Variants in MTMR3 observed in about 807,000 individuals in gnomAD.
MTMR3 encodes phosphatidylinositol-3,5-bisphosphate 3-phosphatase MTMR3.
Under a neutral mutation model 132.4 loss-of-function variants are expected in MTMR3, and 32 were observed. The observed-to-expected ratio is 0.24, with a 90% CI of 0.18 to 0.32. MTMR3 has a LOEUF of 0.32. Ranked by LOEUF, MTMR3 falls within the 10% of genes least tolerant of loss-of-function variation. The pLI, the probability that MTMR3 is intolerant of heterozygous loss-of-function variation, is 1.00. For synonymous variants in MTMR3, 556 were observed against 550.3 expected, an observed-to-expected ratio of 1.01 and a Z score of -0.14; for missense variants, 1,216 against 1,489.6, an observed-to-expected ratio of 0.82 and a Z score of 3.02.
At chr22:30,013,102 A>G (rs2067475699) in intron 13 of MTMR3, 3 of 305,734 alleles carry the variant, frequency 9.8e-6, no homozygotes, top group African/African-American at 2.1e-5. Flanking sequence ...CAAGAGGCTA[A>G]AAATACACAT....
intron 1 of MTMR3, among the ~76,000 whole-genome samples, chr22:29,946,537 A>AC (rs2065957177): frequency 6.6e-6 from 1 of 152,220 alleles, no homozygotes; most frequent in Non-Finnish European, 1.5e-5. Context: ...TGGATTAGAA[A>AC]AATGTCTTAT....
At chr22:29,956,098 A>G (rs1367418206) in intron 1 of MTMR3, among the ~76,000 whole-genome samples, 1 of 152,112 alleles carries the variant, frequency 6.6e-6, no homozygotes, top group Non-Finnish European at 1.5e-5. Context: ...AATCTTGTTC[A>G]TTTATGTGAC....
chr22:29,980,364 A>G (rs1021378668), intron 5 of MTMR3: 8 of 152,310 alleles, frequency 5.3e-5, no homozygotes, highest in East Asian at 1.9e-4. Flanking sequence ...TTTTCTGTCT[A>G]TCAGCTAAAG....
chr22:30,010,539 G>C (rs984888235), intron 12 of MTMR3: 8 of 152,266 alleles, frequency 5.3e-5, no homozygotes, highest in Non-Finnish European at 8.8e-5. Context: ...GAGGATAGGG[G>C]AATGGTAGGC....
chr22:29,904,112 T>C (rs982967594), intron 1 of MTMR3, among the ~76,000 whole-genome samples: 1 of 152,184 alleles, frequency 6.6e-6, no homozygotes, highest in Non-Finnish European at 1.5e-5. Flanking sequence ...GAGACAACAA[T>C]GTTGGTGATC....
At chr22:29,934,114 G>T (rs1163810044) in intron 1 of MTMR3, among the ~76,000 whole-genome samples, 2 of 152,234 alleles carry the variant, frequency 1.3e-5, no homozygotes, top group East Asian at 3.9e-4. Context: ...CAGCACTTTG[G>T]GAGGTAGAGG....
intron 1 of MTMR3, among the ~76,000 whole-genome samples, chr22:29,949,136 C>CCCCCGAGGCCCTGTCTTAAA (rs2066015071): frequency 2.5e-5 from 1 of 40,432 alleles, no homozygotes; most frequent in African/African-American, 1.3e-4. Context: ...CACACACACA[C>CCCCCGAGGCCCTGTCTTAAA]ACACACACCC....
rs1188248974 is a variant in MTMR3, at chr22:30,030,454, GC to G, written c.*4654del. On this transcript the variant is annotated 3_prime_UTR_variant, in exon 20 of 20. Coordinates refer to ENST00000401950, the MANE Select transcript of MTMR3 (RefSeq NM_021090.4). ...TGCCTATTGTAACAGCATTGGTTCT[GC>G]TGTAGCCTCGGTGACCATTTAAGTT... 1 of 152,078 alleles carries G rather than the reference GC, an allele frequency of 6.6e-6. No individual in the cohort carries two copies. Among genetic ancestry groups the G allele is most frequent in the African/African-American group, 2.4e-5 (1 of 41,352 alleles). 9.4% of individuals were successfully genotyped at this position (152,078 alleles called of 1,614,324 possible).
intron 5 of MTMR3, chr22:29,983,782 C>T (rs566799497): frequency 1.3e-5 from 2 of 152,188 alleles, no homozygotes; most frequent in East Asian, 3.9e-4. Context: ...GGTCTACAGA[C>T]ACATGCCACC....
chr22:30,003,573 T>A (rs1158848086), intron 9 of MTMR3: 1 of 152,344 alleles, frequency 6.6e-6, no homozygotes, highest in Non-Finnish European at 1.5e-5. Context: ...CAGATCTGAA[T>A]TCAGGTATAT....
intron 1 of MTMR3, among the ~76,000 whole-genome samples, chr22:29,937,414 T>C (rs2065770753): frequency 8.0e-6 from 1 of 125,216 alleles, no homozygotes; most frequent in African/African-American, 3.3e-5. Context: ...CAAAAAACTT[T>C]GCAGATTTTT....
At chr22:29,983,409 G>A (rs911045650) in intron 5 of MTMR3, 2 of 152,138 alleles carry the variant, frequency 1.3e-5, no homozygotes, top group Non-Finnish European at 2.9e-5. Flanking sequence ...TTAGTCTCCT[G>A]GGCTCAAGTT....
At position 30,019,627 on chromosome 22, in the gene MTMR3, T is replaced by G; in HGVS notation, c.1968T>G (p.Pro656=). ...TAGAGCTGAGCAGCCTGGCTGGCCC[T>G]GGAGAGGATCCCCTTTCTGCCGACA... is the stretch of plus-strand genomic sequence containing the variant. The part of the protein sequence containing the change: ...RSLELSSLAG[P]GEDPLSADSL... Residue 656 remains proline (P), a synonymous_variant, in exon 17 of 20, where the codon CCT becomes CCG. Coordinates refer to ENST00000401950, the MANE Select transcript of MTMR3 (RefSeq NM_021090.4). 1 of 1,614,162 alleles carries G rather than the reference T, an allele frequency of 6.2e-7. No homozygotes were observed. Among genetic ancestry groups the G allele is most frequent in the Non-Finnish European group, 8.5e-7 (1 of 1,180,028 alleles).
At position 30,028,761 on chromosome 22, in the gene MTMR3, G is replaced by A. The variant is rs2067959905; in HGVS notation, c.*2960G>A. 2 of 152,368 alleles carry A rather than the reference G, an allele frequency of 1.3e-5. No individual in the cohort carries two copies. Among genetic ancestry groups the A allele is most frequent in the African/African-American group, 4.8e-5 (2 of 41,466 alleles). 9.4% of individuals were successfully genotyped at this position (152,368 alleles called of 1,614,324 possible). On this transcript the variant is annotated 3_prime_UTR_variant, in exon 20 of 20. Coordinates refer to ENST00000401950, the MANE Select transcript of MTMR3 (RefSeq NM_021090.4). ...AGTATACAAACACAAAGAGCCAGCTGAGCTGGTTCTAGTGTGAAAGCCGTA... is the reference window on the plus strand; with the variant it reads ...AGTATACAAACACAAAGAGCCAGCTAAGCTGGTTCTAGTGTGAAAGCCGTA...
chr22:29,986,142 C>T (rs2066852919), intron 5 of MTMR3: 1 of 152,258 alleles, frequency 6.6e-6, no homozygotes, highest in Non-Finnish European at 1.5e-5. Flanking sequence ...AGACTCTTCC[C>T]AGGCCCCATG....
intron 2 of MTMR3, among the ~76,000 whole-genome samples, chr22:29,959,300 T>C (rs2066261073): frequency 6.6e-6 from 1 of 152,140 alleles, no homozygotes; most frequent in Non-Finnish European, 1.5e-5. Flanking sequence ...ATAGGAATCT[T>C]AATCTTCATT....
intron 1 of MTMR3, among the ~76,000 whole-genome samples, chr22:29,901,048 G>A (rs1185561453): frequency 6.6e-6 from 1 of 152,208 alleles, no homozygotes; most frequent in East Asian, 1.9e-4. Context: ...AAGACTTTTA[G>A]GCAAATGTTA....
intron 1 of MTMR3, among the ~76,000 whole-genome samples, chr22:29,883,850 G>T (rs1048163484): frequency 6.6e-6 from 1 of 152,206 alleles, no homozygotes; most frequent in Non-Finnish European, 1.5e-5. Context: ...TTGTGGAAAG[G>T]AGGAGTGACC....
intron 17 of MTMR3, chr22:30,021,541 T>G (rs2067752048): frequency 6.1e-6 from 1 of 162,658 alleles, no homozygotes; most frequent in African/African-American, 2.4e-5. Context: ...TCTCAAGTGG[T>G]CAGCGTACAT....
Sources: allele counts gnomAD v4.1 joint callset (sites outside exome capture counted in the v4.1 genomes callset), GRCh38; gene constraint gnomAD v4.1.1; transcripts MANE v1.5; gene names NCBI Gene and HGNC (gene_info 2026-07-23, HGNC 2026-07-21).